The following MSI2 variants were observed in gnomAD, a reference collection of about 807,000 sequenced individuals.
MSI2 encodes the protein RNA-binding protein Musashi homolog 2.
A neutral mutation model predicts 45.6 loss-of-function variants in MSI2; 17 were observed. The ratio of observed to expected loss-of-function variants is 0.37; its 90% CI spans 0.26 to 0.56. MSI2 has a LOEUF of 0.56. MSI2 is among the 20% of genes least tolerant of loss of function. The probability of loss-of-function intolerance (pLI) is 0.77; values close to 1 mark genes in which losing one functional copy is unlikely to be tolerated. For synonymous variants in MSI2, 156 were observed against 158.2 expected (o/e 0.99, Z 0.11); for missense variants, 293 against 444.2 (o/e 0.66, Z 3.06).
In MSI2 at chr17:57,680,458, G is replaced by T. The variant is rs950983335; in HGVS notation, c.*941G>T. 6.5e-5 allele frequency: 15 copies of T among 229,454 alleles called. No individual in the cohort carries two copies. Among genetic ancestry groups the T allele is most frequent in the African/African-American group, 3.1e-4 (14 of 45,190 alleles). 14.2% of individuals were successfully genotyped at this position (229,454 alleles called of 1,614,324 possible). A position where few individuals can be genotyped will look rare whatever the true frequency, so the allele number is the denominator to read the frequency against. ...GTTTGATGCTCTGTGGAAGGAGGCG[G>T]GAAGGGAACGTTGGCCAAGTCAGTT... On this transcript the variant is annotated 3_prime_UTR_variant, in exon 14 of 14. Coordinates refer to ENST00000284073, the MANE Select transcript of MSI2 (RefSeq NM_138962.4).
chr17:57,351,547 A>G (rs1916031652), intron 5 of MSI2, among the ~76,000 whole-genome samples: 1 of 152,200 alleles, frequency 6.6e-6, no homozygotes, highest in Non-Finnish European at 1.5e-5. Flanking sequence ...TACTTAGCTC[A>G]ATGCCTGATT....
intron 10 of MSI2, chr17:57,632,040 C>A: frequency 3.0e-6 from 4 of 1,345,574 alleles, no homozygotes; most frequent in Non-Finnish European, 3.8e-6. Context: ...ATTCTCCAGT[C>A]CCCTCCCACT....
At chr17:57,591,729 CAAAA>C (rs60682470) in intron 7 of MSI2, among the ~76,000 whole-genome samples, 11 of 69,476 alleles carry the variant, frequency 1.6e-4, no homozygotes, top group Admixed American at 1.6e-4. Flanking sequence ...AACCCTGTCT[CAAAA>C]AAAAAAAAAA....
intron 6 of MSI2, among the ~76,000 whole-genome samples, chr17:57,477,004 A>C (rs1009792838): frequency 1.3e-5 from 2 of 152,142 alleles, no homozygotes; most frequent in Admixed American, 6.5e-5. Context: ...TCTCATGCTT[A>C]GCAAGTCTTT....
At position 57,529,034 on chromosome 17, in the gene MSI2, A is replaced by G. The variant is rs1231515304; in HGVS notation, c.406-642A>G. On this transcript the variant is annotated intron_variant, in intron 6 of 13. Transcript: ENST00000284073. The surrounding 1 kb of genome is among the most constrained non-coding windows in gnomAD (Gnocchi z 5.3). ...TAGTATACATGATATACTAACCTGG[A>G]AATTGTTTGCCATATTGTAATGTTA... 1.3e-5 allele frequency among the ~76,000 whole-genome samples: 2 copies of G among 152,228 alleles called. No individual in the cohort carries two copies. Among genetic ancestry groups the G allele is most frequent in the African/African-American group, 4.8e-5 (2 of 41,450 alleles).
chr17:57,548,898 T>TCCCCCCCCC (rs758120237), intron 7 of MSI2, among the ~76,000 whole-genome samples: 72 of 121,274 alleles, frequency 5.9e-4, no homozygotes, highest in African/African-American at 7.2e-4. Context: ...TGTTTACCCT[T>TCCCCCCCCC]CCCCCCCCCA....
intron 5 of MSI2, chr17:57,268,452 G>A (rs1437936059): frequency 1.3e-5 from 2 of 151,940 alleles, no homozygotes; most frequent in African/African-American, 4.8e-5. Flanking sequence ...ACCGGGGATT[G>A]CGTTAGGTAC....
chr17:57,343,663 A>G (rs1239597389), intron 5 of MSI2, among the ~76,000 whole-genome samples: 3 of 152,202 alleles, frequency 2.0e-5, no homozygotes, highest in Non-Finnish European at 2.9e-5. Context: ...AATTGCCCCA[A>G]TCTGTCCTTT....
chr17:57,580,739 G>T (rs1199231683), intron 7 of MSI2, among the ~76,000 whole-genome samples: 11 of 152,172 alleles, frequency 7.2e-5, no homozygotes, highest in Admixed American at 7.2e-4. Context: ...TGACCAGTTT[G>T]CACTGGAGAC....
intron 10 of MSI2, chr17:57,632,482 C>T (rs1036110812): frequency 1.8e-5 from 19 of 1,066,096 alleles, no homozygotes; most frequent in African/African-American, 1.3e-4. Context: ...ATGACAGGCA[C>T]GGTGGGCACC....
intron 6 of MSI2, among the ~76,000 whole-genome samples, chr17:57,457,289 C>T (rs1162604948): frequency 6.6e-6 from 1 of 152,158 alleles, no homozygotes; most frequent in East Asian, 1.9e-4. Context: ...TAGACATTTT[C>T]CCCTAGAGCC....
At chr17:57,693,222 G>A in the MSI2 span, among the ~76,000 whole-genome samples, 9 of 146,214 alleles carry the variant, frequency 6.2e-5, no homozygotes, top group South Asian at 2.2e-4. Flanking sequence ...TCACTCTGTC[G>A]CCCAGGCCAG....
At chr17:57,472,241 C>CA (rs2085452102) in intron 6 of MSI2, among the ~76,000 whole-genome samples, 1 of 152,220 alleles carries the variant, frequency 6.6e-6, no homozygotes, top group African/African-American at 2.4e-5. Context: ...CACGAACACT[C>CA]AGAGTGAGAG....
At chr17:57,478,666 C>T (rs1268266119) in intron 6 of MSI2, among the ~76,000 whole-genome samples, 3 of 152,136 alleles carry the variant, frequency 2.0e-5, no homozygotes, top group African/African-American at 7.2e-5. Flanking sequence ...TCAGACTGCC[C>T]TGGGAGAATC....
chr17:57,494,204 T>C (rs950603746), intron 6 of MSI2, among the ~76,000 whole-genome samples: 1 of 152,190 alleles, frequency 6.6e-6, no homozygotes, highest in African/African-American at 2.4e-5. Flanking sequence ...TTTTGTTACA[T>C]TTCATTCCCA....
chr17:57,634,039 G>A (rs1421354211), intron 10 of MSI2, among the ~76,000 whole-genome samples: 1 of 152,100 alleles, frequency 6.6e-6, no homozygotes, highest in African/African-American at 2.4e-5. Context: ...GCTATCACCA[G>A]GTACTGAAAT....
intron 6 of MSI2, among the ~76,000 whole-genome samples, chr17:57,427,123 G>A (rs1428028401): frequency 2.0e-5 from 3 of 152,366 alleles, no homozygotes; most frequent in African/African-American, 7.2e-5. Context: ...GAGGCCAGGC[G>A]TGGTGGCTCA....
intron 8 of MSI2, among the ~76,000 whole-genome samples, chr17:57,600,539 CA>C (rs1905750339): frequency 6.6e-6 from 1 of 152,178 alleles, no homozygotes; most frequent in Admixed American, 6.5e-5. Context: ...AGCCATTGCC[CA>C]TCTAATTGGG....
intron 5 of MSI2, among the ~76,000 whole-genome samples, chr17:57,273,850 T>A (rs1908622419): frequency 6.6e-6 from 1 of 152,212 alleles, no homozygotes; most frequent in South Asian, 2.1e-4. Flanking sequence ...CCCCTGGGCA[T>A]CCCAAGAGAA....
Sources: gnomAD v4.1 joint callset for allele counts (sites outside exome capture counted in the v4.1 genomes callset) on GRCh38, gnomAD v4.1.1 for gene constraint, Gnocchi (gnomAD v3.1) non-coding constraint, MANE v1.5 for transcripts, NCBI Gene and HGNC (gene_info 2026-07-23, HGNC 2026-07-21) for gene names.